Variants in NIPAL2 observed in about 807,000 individuals in gnomAD.
NIPAL2 encodes the protein NIPA-like protein 2.
A neutral mutation model predicts 48.9 loss-of-function variants in NIPAL2; 43 were observed. The ratio of observed to expected loss-of-function variants is 0.88; its 90% CI spans 0.69 to 1.13. The LOEUF (loss-of-function observed/expected upper bound fraction) is 1.13. Ranked by LOEUF, NIPAL2 falls within the 50% of genes most tolerant of loss-of-function variation. NIPAL2 has a pLI of 0.00. For synonymous variants in NIPAL2, 167 were observed against 174.6 expected (o/e 0.96, Z 0.34); for missense variants, 446 against 461.4 (o/e 0.97, Z 0.31).
intron 5 of NIPAL2, among the ~76,000 whole-genome samples, chr8:98,216,011 C>A (rs1234137467): frequency 6.6e-6 from 1 of 152,160 alleles, no homozygotes; most frequent in Non-Finnish European, 1.5e-5. Context: ...CTGCCAGTAC[C>A]AATATCTGAG....
chr8:98,252,069 A>T (rs1163130537), intron 3 of NIPAL2: 2 of 157,696 alleles, frequency 1.3e-5, no homozygotes, highest in Non-Finnish European at 2.8e-5. Flanking sequence ...AAGAGATACT[A>T]AACTATGAAG....
chr8:98,205,249 GAAAAAGAAAACA>G lies in NIPAL2; in HGVS notation c.656-15_656-4del. ...TACTGAAATAACAGTCAATGAGGCT[GAAAAAGAAAACA>G]AAAAACACAAATAAAGAACATATTT... On this transcript the variant is annotated splice_region_variant and splice_polypyrimidine_tract_variant and intron_variant, in intron 6 of 10. Coordinates refer to ENST00000430223, the MANE Select transcript of NIPAL2 (RefSeq NM_001321635.2). 1 of 1,598,608 alleles carries G rather than the reference GAAAAAGAAAACA, an allele frequency of 6.3e-7. No homozygotes were observed. The highest frequency in any genetic ancestry group is 8.5e-7 in the Non-Finnish European group (1 of 1,175,716).
intron 8 of NIPAL2, among the ~76,000 whole-genome samples, chr8:98,200,359 C>T (rs113360185): frequency 1.3e-5 from 2 of 152,136 alleles, no homozygotes; most frequent in Non-Finnish European, 2.9e-5. Flanking sequence ...CTCTAGATAT[C>T]GCATATAAGT....
intron 1 of NIPAL2, among the ~76,000 whole-genome samples, chr8:98,275,869 CTAGTGTATCAGTTCTACCTT>C (rs1292863051): frequency 9.9e-5 from 15 of 152,252 alleles, no homozygotes; most frequent in Admixed American, 2.6e-4. Flanking sequence ...ATGTTGCTGA[CTAGTGTATCAGTTCTACCTT>C]GTATTTATAT....
At chr8:98,241,287 G>C (rs1812967549) in intron 3 of NIPAL2, among the ~76,000 whole-genome samples, 2 of 152,210 alleles carry the variant, frequency 1.3e-5, no homozygotes, top group Admixed American at 1.3e-4. Flanking sequence ...TCACAAATGA[G>C]AGTAGACAAA....
intron 1 of NIPAL2, among the ~76,000 whole-genome samples, chr8:98,269,351 A>G (rs1814982460): frequency 6.6e-6 from 1 of 152,242 alleles, no homozygotes; most frequent in Non-Finnish European, 1.5e-5. Context: ...TTTAACTAAT[A>G]TGACTTGAAA....
intron 1 of NIPAL2, among the ~76,000 whole-genome samples, chr8:98,258,090 T>A (rs190848056): frequency 1.1e-3 from 166 of 152,374 alleles, no homozygotes; most frequent in African/African-American, 3.9e-3. Context: ...ACTACTTTTG[T>A]CTACAACCTT....
chr8:98,290,769 A>G (rs1816449576), intron 1 of NIPAL2, among the ~76,000 whole-genome samples: 1 of 152,232 alleles, frequency 6.6e-6, no homozygotes, highest in Admixed American at 6.5e-5. Flanking sequence ...TATGGGGGTC[A>G]GTAGGTAAAA....
At chr8:98,251,933 A>AT (rs1263387210) in intron 3 of NIPAL2, among the ~76,000 whole-genome samples, 2 of 151,900 alleles carry the variant, frequency 1.3e-5, no homozygotes, top group African/African-American at 4.8e-5. Flanking sequence ...TTCACATCTC[A>AT]TTTTTTCTTT....
chr8:98,211,408 T>C (rs1811308357), intron 6 of NIPAL2, among the ~76,000 whole-genome samples: 1 of 152,228 alleles, frequency 6.6e-6, no homozygotes, highest in South Asian at 2.1e-4. Context: ...TCTTGATCTA[T>C]AGCATACCTG....
intron 4 of NIPAL2, among the ~76,000 whole-genome samples, chr8:98,232,138 C>G (rs139078822): frequency 6.6e-6 from 1 of 152,044 alleles, no homozygotes; most frequent in Admixed American, 6.6e-5. Context: ...CTTGGACTTC[C>G]GTAAATATGA....
At chr8:98,264,913 G>A (rs1243672399) in intron 1 of NIPAL2, among the ~76,000 whole-genome samples, 1 of 150,928 alleles carries the variant, frequency 6.6e-6, no homozygotes, top group African/African-American at 2.4e-5. Context: ...AAACAGCATG[G>A]TACTGGTACC....
At chr8:98,248,011 A>T (rs1174731785) in intron 3 of NIPAL2, among the ~76,000 whole-genome samples, 1 of 152,244 alleles carries the variant, frequency 6.6e-6, no homozygotes, top group Non-Finnish European at 1.5e-5. Flanking sequence ...GAGCAAGAAG[A>T]TGGAAAACCG....
At chr8:98,249,499 A>C (rs1465634201) in intron 3 of NIPAL2, among the ~76,000 whole-genome samples, 1 of 151,392 alleles carries the variant, frequency 6.6e-6, no homozygotes, top group African/African-American at 2.4e-5. Flanking sequence ...TATGACATAC[A>C]TGTCATATAT....
At chr8:98,252,674 G>T (rs1331630982) in intron 2 of NIPAL2, 40 bp from the exon 3 acceptor site, 8 of 1,543,194 alleles carry the variant, frequency 5.2e-6, no homozygotes, top group Non-Finnish European at 7.0e-6. Flanking sequence ...AACATTCTGA[G>T]CTATGAGGGG....
At position 98,218,368 on chromosome 8, in the gene NIPAL2, G is replaced by A. The variant is rs76023427; in HGVS notation, c.558+4111C>T. Among the ~76,000 whole-genome samples, 1,503 of 152,254 alleles carry A rather than the reference G, an allele frequency of 9.9e-3. 24 individuals are homozygous for A. The highest frequency in any genetic ancestry group is 0.034 in the African/African-American group (1,398 of 41,558). On this transcript the variant is annotated intron_variant, in intron 5 of 10. Transcript: ENST00000430223. Reference sequence around the variant, plus strand: ...TAGAACTCCTTCTAGTGCTTATCACGGACTGATGAAAGCTGTGATAATTAA... The same window carrying A: ...TAGAACTCCTTCTAGTGCTTATCACAGACTGATGAAAGCTGTGATAATTAA...
chr8:98,264,990 A>G (rs1437182746), intron 1 of NIPAL2, among the ~76,000 whole-genome samples: 6 of 146,594 alleles, frequency 4.1e-5, no homozygotes, highest in African/African-American at 1.0e-4. Flanking sequence ...ATCTACAACT[A>G]TCTGATCTTT....
intron 3 of NIPAL2, among the ~76,000 whole-genome samples, chr8:98,243,063 G>A (rs946586139): frequency 3.9e-5 from 6 of 152,206 alleles, no homozygotes; most frequent in Admixed American, 3.3e-4. Flanking sequence ...TCCGTAAGGG[G>A]AAAGGACATG....
chr8:98,245,457 T>C (rs1260930599), intron 3 of NIPAL2, among the ~76,000 whole-genome samples: 1 of 152,232 alleles, frequency 6.6e-6, no homozygotes, highest in Non-Finnish European at 1.5e-5. Flanking sequence ...AAGTAATTCA[T>C]GTTGATTAAA....
Sources: allele counts gnomAD v4.1 joint callset (sites outside exome capture counted in the v4.1 genomes callset), GRCh38; gene constraint gnomAD v4.1.1; transcripts MANE v1.5; gene names NCBI Gene and HGNC (gene_info 2026-07-23, HGNC 2026-07-21).